The following SPAG16 variants were observed in gnomAD, a reference collection of about 807,000 sequenced individuals.
SPAG16 encodes the protein sperm-associated antigen 16 protein.
In SPAG16, 86 loss-of-function variants were observed where a neutral mutation model predicts 80.4. The observed-to-expected ratio is 1.07, with a 90% CI of 0.90 to 1.28. The LOEUF (loss-of-function observed/expected upper bound fraction) is 1.28. SPAG16 is among the 50% of genes most tolerant of loss of function. The probability of loss-of-function intolerance (pLI) is 0.00; values close to 1 mark genes in which losing one functional copy is unlikely to be tolerated. For missense variants in SPAG16, 870 were observed against 765.3 expected, an observed-to-expected ratio of 1.14 and a Z score of -1.61; for synonymous variants, 294 against 265.9, an observed-to-expected ratio of 1.11 and a Z score of -1.03.
chr2:213,463,492 C>T (rs975772219), intron 9 of SPAG16, among the ~76,000 whole-genome samples: 2 of 152,222 alleles, frequency 1.3e-5, no homozygotes, highest in Admixed American at 6.5e-5. Flanking sequence ...TTGCTGTGTG[C>T]AGCCTAGGTC....
At chr2:214,038,694 C>A (rs576459056) in intron 13 of SPAG16, among the ~76,000 whole-genome samples, 1 of 136,332 alleles carries the variant, frequency 7.3e-6, no homozygotes, top group South Asian at 2.8e-4. Flanking sequence ...CCTCCCCCCT[C>A]CCCCTACCCC....
At chr2:213,947,644 T>C (rs772091253) in intron 12 of SPAG16, among the ~76,000 whole-genome samples, 6 of 152,088 alleles carry the variant, frequency 3.9e-5, no homozygotes, top group Non-Finnish European at 7.4e-5. Context: ...AATTTCTAAT[T>C]TTTCCAATAC....
In SPAG16 at chr2:213,515,401, T is replaced by A. The variant is rs992910513; in HGVS notation, c.1070+25311T>A. ...GGATAAAAACCAAAGTCCTCTATAC[T>A]TCATCCTCTACCTCCCTAGCTAGTC... On this transcript the variant is annotated intron_variant, in intron 10 of 15. Transcript: ENST00000331683. Among the ~76,000 whole-genome samples the A allele has an allele frequency of 1.5e-4, 23 of 152,178 alleles. 1 individual carries two copies. Among genetic ancestry groups the A allele is most frequent in the Non-Finnish European group, 3.1e-4 (21 of 68,022 alleles).
At chr2:213,552,382 T>G (rs560836427) in intron 10 of SPAG16, among the ~76,000 whole-genome samples, 6 of 152,336 alleles carry the variant, frequency 3.9e-5, no homozygotes, top group African/African-American at 1.4e-4. Context: ...TGGACATTTC[T>G]GCAGAAACTG....
At chr2:213,972,251 T>C (rs1483218986) in intron 12 of SPAG16, among the ~76,000 whole-genome samples, 2 of 150,638 alleles carry the variant, frequency 1.3e-5, no homozygotes, top group African/African-American at 4.9e-5. Flanking sequence ...AAAGAACCCA[T>C]AGGAGATATA....
At chr2:213,465,452 T>C (rs1409972243) in intron 9 of SPAG16, among the ~76,000 whole-genome samples, 1 of 152,044 alleles carries the variant, frequency 6.6e-6, no homozygotes, top group African/African-American at 2.4e-5. Flanking sequence ...TTTTTTGAGG[T>C]CCTCTCTGGC....
intron 10 of SPAG16, among the ~76,000 whole-genome samples, chr2:213,689,371 G>C (rs2064834984): frequency 6.6e-6 from 1 of 152,040 alleles, no homozygotes; most frequent in South Asian, 2.1e-4. Flanking sequence ...GTTAATTTTT[G>C]TTTGGATGCC....
chr2:213,673,327 CATAAT>C (rs2063897245), intron 10 of SPAG16, among the ~76,000 whole-genome samples: 1 of 152,012 alleles, frequency 6.6e-6, no homozygotes, highest in African/African-American at 2.4e-5. Context: ...GCTAATCAAA[CATAAT>C]ATAGTCATTA....
At chr2:213,433,778 C>T (rs535512304) in intron 9 of SPAG16, among the ~76,000 whole-genome samples, 8 of 151,850 alleles carry the variant, frequency 5.3e-5, no homozygotes, top group Non-Finnish European at 8.8e-5. Context: ...TAAAAGAGCC[C>T]AAATAGCTAA....
At chr2:214,288,860 C>A (rs1693582188) in intron 15 of SPAG16, among the ~76,000 whole-genome samples, 2 of 152,114 alleles carry the variant, frequency 1.3e-5, no homozygotes, top group South Asian at 2.1e-4. Flanking sequence ...GCTCAGCCTC[C>A]CCGGTTCACG....
At chr2:213,342,352 A>ATATATATATTACATATATATG (rs1559430626) in intron 6 of SPAG16, among the ~76,000 whole-genome samples, 18 of 56,978 alleles carry the variant, frequency 3.2e-4, no homozygotes, top group African/African-American at 8.7e-4. Context: ...ACATATATGT[A>ATATATATATTACATATATATG]TATATATATT....
chr2:213,450,697 G>A (rs2071630860), intron 9 of SPAG16, among the ~76,000 whole-genome samples: 1 of 152,018 alleles, frequency 6.6e-6, no homozygotes, highest in East Asian at 1.9e-4. Flanking sequence ...TTATGTGTTT[G>A]CCTTAGAGTT....
Position 213,340,242 on chromosome 2 carries a change from A to G in SPAG16, c.616A>G (p.Lys206Glu). ...GCATCATAAGCGAATAGTCCAGGAAAAAAACAAATTAATTAATGACCTCAA... is the reference window on the plus strand; with the variant it reads ...GCATCATAAGCGAATAGTCCAGGAAGAAAACAAATTAATTAATGACCTCAA... ...RMHHKRIVQE[K>E]NKLINDLKGL... Residue 206 changes from lysine (K) to glutamate (E), a missense_variant, in exon 6 of 16, where the codon AAA (lysine) becomes GAA (glutamate). Coordinates refer to ENST00000331683, the MANE Select transcript of SPAG16 (RefSeq NM_024532.5). The G allele has an allele frequency of 1.9e-6, 3 of 1,611,234 alleles. No individual in the cohort carries two copies. The highest frequency in any genetic ancestry group is 2.5e-6 in the Non-Finnish European group (3 of 1,178,404).
intron 10 of SPAG16, among the ~76,000 whole-genome samples, chr2:213,829,686 T>A (rs2073514470): frequency 6.6e-6 from 1 of 152,126 alleles, no homozygotes; most frequent in Non-Finnish European, 1.5e-5. Context: ...TGCTGAATAT[T>A]TAGGGCCCAG....
At chr2:214,080,430 C>G (rs1383397776) in intron 13 of SPAG16, among the ~76,000 whole-genome samples, 2 of 135,336 alleles carry the variant, frequency 1.5e-5, no homozygotes, top group African/African-American at 2.8e-5. Flanking sequence ...AACCCCATCT[C>G]TACTAAAAAT....
At chr2:214,065,127 A>C (rs2050471139) in intron 13 of SPAG16, among the ~76,000 whole-genome samples, 1 of 152,100 alleles carries the variant, frequency 6.6e-6, no homozygotes, top group South Asian at 2.1e-4. Context: ...TTAAGAAGGC[A>C]GAATAACTTA....
In SPAG16 at chr2:213,534,454, C is replaced by T. The variant is rs1378319121; in HGVS notation, c.1070+44364C>T. ...ATACAAAAATGTTAATTACGTCTTT[C>T]TTCAAAATAACAAACTATTGGAAAT... On this transcript the variant is annotated intron_variant, in intron 10 of 15. Coordinates refer to ENST00000331683, the MANE Select transcript of SPAG16 (RefSeq NM_024532.5). 2.0e-5 allele frequency among the ~76,000 whole-genome samples: 3 copies of T among 152,146 alleles called. No homozygotes were observed. The East Asian group carries it at 5.8e-4, about 29-fold the overall frequency.
At chr2:214,371,766 C>T (rs374443841) in intron 15 of SPAG16, among the ~76,000 whole-genome samples, 183 of 149,712 alleles carry the variant, frequency 1.2e-3, no homozygotes, top group South Asian at 4.4e-3. Flanking sequence ...CTGCAACCTC[C>T]GCCTCCCGGG....
At chr2:213,982,707 C>T (rs955736025) in intron 12 of SPAG16, among the ~76,000 whole-genome samples, 3 of 140,884 alleles carry the variant, frequency 2.1e-5, no homozygotes, top group Non-Finnish European at 4.6e-5. Context: ...TATAAACTAA[C>T]AAAGCAACTC....
Sources: allele counts gnomAD v4.1 joint callset (sites outside exome capture counted in the v4.1 genomes callset), GRCh38; gene constraint gnomAD v4.1.1; transcripts MANE v1.5; gene names NCBI Gene and HGNC (gene_info 2026-07-23, HGNC 2026-07-21).